The following FAAH2 variants were observed in gnomAD, a reference collection of about 807,000 sequenced individuals.
The protein encoded by FAAH2 is fatty acid amide hydrolase 2.
In FAAH2, 60 loss-of-function variants were observed where a neutral mutation model predicts 36.9. The observed-to-expected ratio is 1.63, with a 90% CI of 1.32 to 2.02. The LOEUF (loss-of-function observed/expected upper bound fraction) is 2.02. Among genes scored for constraint, FAAH2 ranks in the 30% most tolerant of loss-of-function variants. The pLI is 0.00. For missense variants in FAAH2, 689 were observed against 397.5 expected (o/e 1.73, Z -6.23); for synonymous variants, 214 against 143.8 (o/e 1.49, Z -3.49).
At chrX:57,237,795 AT>A in the FAAH2 span, among the ~76,000 whole-genome samples, 2 of 111,477 alleles carry the variant, frequency 1.8e-5, no homozygotes, top group African/African-American at 3.3e-5. Flanking sequence ...CTTAAAAAAA[AT>A]CTACTAGATT....
chrX:57,127,621 A>G, the FAAH2 span, among the ~76,000 whole-genome samples: 1 of 112,019 alleles, frequency 8.9e-6, no homozygotes, highest in African/African-American at 3.2e-5. Flanking sequence ...AGTTAAGACC[A>G]TCTTTCAAAA....
At position 57,331,049 on chromosome X, in the gene FAAH2, G is replaced by T. The variant is rs2053390490; in HGVS notation, c.413-549G>T. 2.7e-5 allele frequency among the ~76,000 whole-genome samples: 3 copies of T among 111,006 alleles called. No individual in the cohort carries two copies. In the South Asian group the frequency reaches 1.2e-3, roughly 44 times the overall value. ...GGGCAAAACCACCCTGCAGATTTCAGGTCTGACAGTTCCCCTAGGGCTTAA... is the reference window on the plus strand; with the variant it reads ...GGGCAAAACCACCCTGCAGATTTCATGTCTGACAGTTCCCCTAGGGCTTAA... On this transcript the variant is annotated intron_variant, in intron 3 of 10. Transcript: ENST00000374900.
chrX:57,443,306 A>AT (rs917478569), intron 8 of FAAH2, among the ~76,000 whole-genome samples: 2 of 110,986 alleles, frequency 1.8e-5, no homozygotes, highest in African/African-American at 6.6e-5. Flanking sequence ...GGCTTTGTTC[A>AT]TTTTTTACTC....
chrX:57,408,530 G>T (rs1290289952), intron 7 of FAAH2, among the ~76,000 whole-genome samples: 2 of 92,151 alleles, frequency 2.2e-5, no homozygotes, highest in African/African-American at 7.1e-5. Context: ...TTTCCAATTT[G>T]CATGCTATTT....
the FAAH2 span, among the ~76,000 whole-genome samples, chrX:57,233,666 G>T: frequency 5.4e-5 from 6 of 112,048 alleles, no homozygotes; most frequent in African/African-American, 1.9e-4. Flanking sequence ...TTTGGAGACA[G>T]TCTCCCTCTA....
At chrX:57,347,889 T>C (rs950438269) in intron 5 of FAAH2, among the ~76,000 whole-genome samples, 1 of 110,160 alleles carries the variant, frequency 9.1e-6, no homozygotes, top group Non-Finnish European at 1.9e-5. Flanking sequence ...GTAAATGGCA[T>C]ATAATGGTAA....
chrX:57,359,418 T>A (rs945495845), intron 5 of FAAH2, among the ~76,000 whole-genome samples: 1 of 111,795 alleles, frequency 8.9e-6, no homozygotes, highest in Non-Finnish European at 1.9e-5. Flanking sequence ...AAATTTCCAG[T>A]CTTCATGGAT....
At chrX:57,389,226 C>CATAA (rs1352924123) in intron 7 of FAAH2, among the ~76,000 whole-genome samples, 1 of 97,577 alleles carries the variant, frequency 1.0e-5, no homozygotes, top group African/African-American at 3.7e-5. Flanking sequence ...TCTGGAGTAC[C>CATAA]CTAATTTTAG....
chrX:57,387,890 G>A (rs956836784), intron 7 of FAAH2, among the ~76,000 whole-genome samples: 1 of 111,163 alleles, frequency 9.0e-6, no homozygotes, highest in South Asian at 3.7e-4. Context: ...GAGGGAGGAG[G>A]TAAATAGAGA....
chrX:57,359,138 TTCTA>T (rs1391520271), intron 5 of FAAH2, among the ~76,000 whole-genome samples: 2 of 110,814 alleles, frequency 1.8e-5, no homozygotes. Flanking sequence ...ATCTTATTTA[TTCTA>T]TCTAACTATG....
At chrX:57,352,172 A>C (rs2054041900) in intron 5 of FAAH2, among the ~76,000 whole-genome samples, 1 of 90,955 alleles carries the variant, frequency 1.1e-5, no homozygotes, top group African/African-American at 4.1e-5. Context: ...ACATATATAT[A>C]TATGCCAATA....
Position 57,488,870 on chromosome X carries a change from C to T in FAAH2, c.1537C>T (p.Leu513=). ...VAGPFNDHLT[L]AVAQYLEKTF... is the part of the protein sequence containing the mutation. The stretch of plus-strand genomic sequence containing the variant: ...TGGACCCTTTAATGATCATCTGACC[C>T]TGGCTGTGGCCCAGTACTTGGAGAA... The change falls in exon 11 of 11, where the codon CTG becomes TTG. Residue 513 remains leucine (L), a synonymous_variant. Transcript: ENST00000374900. The T allele has an allele frequency of 8.3e-7, 1 of 1,210,979 alleles. No homozygotes were observed. The highest frequency in any genetic ancestry group is 1.1e-6 in the Non-Finnish European group (1 of 895,348).
At chrX:57,251,161 T>G in the FAAH2 span, among the ~76,000 whole-genome samples, 1 of 112,102 alleles carries the variant, frequency 8.9e-6, no homozygotes, top group East Asian at 2.8e-4. Context: ...CATAATCAAG[T>G]GGAATTTATT....
At chrX:57,378,820 T>C in intron 6 of FAAH2, 34 bp downstream of exon 6, 6 of 1,169,964 alleles carry the variant, frequency 5.1e-6, no homozygotes, top group Non-Finnish European at 6.9e-6. Context: ...CTTGGACTCT[T>C]ATCCTGACAT....
the FAAH2 span, among the ~76,000 whole-genome samples, chrX:57,266,829 G>T: frequency 2.7e-5 from 3 of 112,506 alleles, no homozygotes; most frequent in African/African-American, 9.7e-5. Context: ...GAGCCCAGGG[G>T]GTTTAGTGCA....
the FAAH2 span, among the ~76,000 whole-genome samples, chrX:57,149,357 G>A: frequency 4.5e-5 from 5 of 111,693 alleles, no homozygotes; most frequent in South Asian, 1.9e-3. Context: ...TGTACCCCTG[G>A]TAGAATTCGG....
intron 7 of FAAH2, among the ~76,000 whole-genome samples, chrX:57,398,713 T>C (rs771706705): frequency 9.0e-6 from 1 of 111,486 alleles, no homozygotes; most frequent in Non-Finnish European, 1.9e-5. Flanking sequence ...TGGCTATTTC[T>C]TTACCTCCTG....
chrX:57,434,932 G>A (rs908884567), intron 8 of FAAH2, among the ~76,000 whole-genome samples: 5 of 111,333 alleles, frequency 4.5e-5, no homozygotes, highest in Non-Finnish European at 9.4e-5. Context: ...GAGCTTCTTA[G>A]CAGAAACTTC....
At chrX:57,221,854 G>A in the FAAH2 span, among the ~76,000 whole-genome samples, 4 of 109,568 alleles carry the variant, frequency 3.7e-5, no homozygotes, top group African/African-American at 1.3e-4. Context: ...TTCAGAGACA[G>A]CCCCCACTTT....
Sources: gnomAD v4.1 joint callset for allele counts (sites outside exome capture counted in the v4.1 genomes callset) on GRCh38, gnomAD v4.1.1 for gene constraint, MANE v1.5 for transcripts, NCBI Gene and HGNC (gene_info 2026-07-23, HGNC 2026-07-21) for gene names.